Variants in UGT1A10 observed in about 807,000 individuals in gnomAD.
The protein encoded by UGT1A10 is UDP glucuronosyltransferase family 1 member A10, also known as UDP-glucuronosyltransferase 1A10.
A neutral mutation model predicts 45.8 loss-of-function variants in UGT1A10; 49 were observed. The observed-to-expected ratio is 1.07, with a 90% CI of 0.85 to 1.36. UGT1A10 has a LOEUF of 1.36. Among genes scored for constraint, UGT1A10 ranks in the 40% most tolerant of loss-of-function variants. The pLI is 0.00. For missense variants in UGT1A10, 745 were observed against 668.6 expected (o/e 1.11, Z -1.26); for synonymous variants, 284 against 249.7 (o/e 1.14, Z -1.29).
rs140814031 is a variant in UGT1A10, at chr2:233,682,289, G to T, written c.855+44912G>T. 1.2e-3 allele frequency: 1,976 copies of T among 1,614,118 alleles called. 25 individuals are homozygous for T. Among genetic ancestry groups the T allele is most frequent in the Middle Eastern group, 3.3e-4 (2 of 6,062 alleles). On this transcript the variant is annotated intron_variant, in intron 1 of 4. Transcript: ENST00000344644. ...AACAAGTTCATCCAATGGTATTTTT[G>T]ACTTATTTTTTTCAAATTGCAGGAG... is the stretch of plus-strand genomic sequence containing the variant.
intron 1 of UGT1A10, among the ~76,000 whole-genome samples, chr2:233,655,128 TAAAGAAAG>T (rs912388758): frequency 6.6e-6 from 1 of 151,944 alleles, no homozygotes; most frequent in East Asian, 1.9e-4. Flanking sequence ...AACAGAATAC[TAAAGAAAG>T]AAAGAAAGAA....
Position 233,736,651 on chromosome 2 carries a change from G to A in UGT1A10, c.856-30383G>A, listed in dbSNP as rs2078789354. Reference sequence around the variant, plus strand: ...GCTCTAGTTTCCCCCCATCTTTGTGGTTTTATGTACCTTAGGTCTTTGATG... The same window carrying A: ...GCTCTAGTTTCCCCCCATCTTTGTGATTTTATGTACCTTAGGTCTTTGATG... On this transcript the variant is annotated intron_variant, in intron 1 of 4. Transcript: ENST00000344644. Among the ~76,000 whole-genome samples the A allele has an allele frequency of 2.0e-5, 3 of 152,328 alleles. No individual in the cohort carries two copies. The South Asian group carries it at 6.2e-4, about 32-fold the overall frequency.
intron 1 of UGT1A10, among the ~76,000 whole-genome samples, chr2:233,759,178 G>A (rs1697077752): frequency 6.6e-6 from 1 of 152,148 alleles, no homozygotes; most frequent in South Asian, 2.1e-4. Context: ...AGGTTTCACG[G>A]CAAAAAGTTC....
chr2:233,665,254 G>T (rs2074049224), intron 1 of UGT1A10, among the ~76,000 whole-genome samples: 1 of 152,162 alleles, frequency 6.6e-6, no homozygotes, highest in Non-Finnish European at 1.5e-5. Context: ...ATTTAATGTA[G>T]TTTTTTCAAC....
intron 1 of UGT1A10, chr2:233,718,997 G>T (rs2076712017): frequency 6.2e-7 from 1 of 1,614,222 alleles, no homozygotes; most frequent in Non-Finnish European, 8.5e-7. Flanking sequence ...ACCAGGCGGT[G>T]GTCCTCACCC....
intron 1 of UGT1A10, among the ~76,000 whole-genome samples, chr2:233,664,622 G>C (rs1330343143): frequency 2.0e-5 from 3 of 152,152 alleles, no homozygotes; most frequent in Non-Finnish European, 2.9e-5. Context: ...AGAGTTGGTG[G>C]GGGAGGTCCA....
At position 233,718,085 on chromosome 2, in the gene UGT1A10, C is replaced by A. The variant is rs557969051; in HGVS notation, c.856-48949C>A. The A allele has an allele frequency of 1.6e-4, 55 of 337,650 alleles. 1 individual carries two copies. The East Asian group carries it at 4.0e-3, about 25-fold the overall frequency. 20.9% of individuals were successfully genotyped at this position (337,650 alleles called of 1,614,324 possible). On this transcript the variant is annotated intron_variant, in intron 1 of 4. Transcript: ENST00000344644. ...TGGGTCCTTGCTAGGGTTGTCTTGC[C>A]CATGTGTGCTTTAGACAGCAGCACC...
intron 1 of UGT1A10, chr2:233,693,460 C>T (rs1488589072): frequency 1.2e-6 from 2 of 1,614,146 alleles, no homozygotes; most frequent in South Asian, 2.2e-5. Flanking sequence ...CAGACCCAGC[C>T]TTACCCTGTG....
intron 1 of UGT1A10, chr2:233,708,654 G>A: frequency 6.6e-6 from 1 of 152,194 alleles, no homozygotes; most frequent in Non-Finnish European, 1.5e-5. Flanking sequence ...GGAAGGCTGA[G>A]GTGGGAGGAT....
At chr2:233,734,977 G>T (rs2078594249) in intron 1 of UGT1A10, among the ~76,000 whole-genome samples, 1 of 152,188 alleles carries the variant, frequency 6.6e-6, no homozygotes, top group Non-Finnish European at 1.5e-5. Context: ...GTGCTGAGAA[G>T]AATGTATATT....
rs797046090 is a variant in UGT1A10, at chr2:233,760,524, C to CCGTA, written c.856-6509_856-6508insGTAC. ...GAGCATTTTACACCTTGAAGACGTA[C>CCGTA]CCTGTGCCATTCCAAAGGGAGGATG... On this transcript the variant is annotated intron_variant, in intron 1 of 4. Coordinates refer to ENST00000344644, the MANE Select transcript of UGT1A10 (RefSeq NM_019075.4). The CCGTA allele has an allele frequency of 6.2e-7, 1 of 1,614,240 alleles. No homozygotes were observed. The highest frequency in any genetic ancestry group is 1.6e-4 in the Middle Eastern group (1 of 6,062).
chr2:233,668,595 G>T (rs2125497489), intron 1 of UGT1A10, among the ~76,000 whole-genome samples: 1 of 152,254 alleles, frequency 6.6e-6, no homozygotes, highest in South Asian at 2.1e-4. Flanking sequence ...TGGGTCAAAT[G>T]GTATTTCTAG....
intron 1 of UGT1A10, chr2:233,719,562 C>T (rs1164668665): frequency 6.2e-7 from 1 of 1,613,782 alleles, no homozygotes; most frequent in African/African-American, 1.3e-5. Context: ...AGTGGTGGAT[C>T]TTGTCAGCTA....
chr2:233,693,023 T>A (rs6759892), intron 1 of UGT1A10: 4 of 1,613,804 alleles, frequency 2.5e-6, no homozygotes, highest in Non-Finnish European at 3.4e-6. Context: ...CCTCCTTCGC[T>A]CATTTCAGAG....
At chr2:233,699,889 A>G (rs1435018489) in intron 1 of UGT1A10, among the ~76,000 whole-genome samples, 1 of 152,154 alleles carries the variant, frequency 6.6e-6, no homozygotes, top group Non-Finnish European at 1.5e-5. Context: ...GCAATTGGAG[A>G]GGCGAAATAG....
At chr2:233,666,356 A>G (rs2074075613) in intron 1 of UGT1A10, among the ~76,000 whole-genome samples, 1 of 152,198 alleles carries the variant, frequency 6.6e-6, no homozygotes, top group South Asian at 2.1e-4. Context: ...CAGCTATATC[A>G]TTTGATATGC....
intron 1 of UGT1A10, among the ~76,000 whole-genome samples, chr2:233,723,682 C>CCTT: frequency 1.0e-5 from 1 of 95,480 alleles, no homozygotes; most frequent in African/African-American, 5.0e-5. Flanking sequence ...CTGCGGCCTT[C>CCTT]CGCAGTGTTT....
intron 1 of UGT1A10, chr2:233,648,674 C>A: frequency 3.1e-6 from 1 of 325,856 alleles, no homozygotes; most frequent in South Asian, 3.2e-5. Flanking sequence ...CCGTGTTAGC[C>A]AGGATGGTCT....
intron 1 of UGT1A10, among the ~76,000 whole-genome samples, chr2:233,759,577 C>A (rs970785241): frequency 2.6e-5 from 4 of 151,886 alleles, no homozygotes; most frequent in Admixed American, 2.6e-4. Flanking sequence ...CATTCTCTAC[C>A]CCAGCACGCC....
Sources: allele counts gnomAD v4.1 joint callset (sites outside exome capture counted in the v4.1 genomes callset), GRCh38; gene constraint gnomAD v4.1.1; transcripts MANE v1.5; gene names NCBI Gene and HGNC (gene_info 2026-07-23, HGNC 2026-07-21).